PCGF6: variants seen among roughly 807,000 people sequenced by gnomAD.
PCGF6 encodes the protein polycomb group RING finger protein 6.
A neutral mutation model predicts 45.5 loss-of-function variants in PCGF6; 24 were observed. The observed-to-expected ratio is 0.53, with a 90% CI of 0.38 to 0.74. PCGF6 has a LOEUF of 0.74. Ranked by LOEUF, PCGF6 falls within the 30% of genes least tolerant of loss-of-function variation. The probability of loss-of-function intolerance (pLI) is 0.00; values close to 1 mark genes in which losing one functional copy is unlikely to be tolerated. For missense variants in PCGF6, 356 were observed against 443.2 expected (o/e 0.80, Z 1.77); for synonymous variants, 152 against 162.1 (o/e 0.94, Z 0.47).
At position 103,345,141 on chromosome 10, in the gene PCGF6, T is replaced by C. The variant is rs761500951; in HGVS notation, c.674-9A>G. On this transcript the variant is annotated splice_polypyrimidine_tract_variant and intron_variant, in intron 5 of 9. Transcript: ENST00000369847. ...GACTGGCTGTGGAACAGCTATTTAA[T>C]AGTCAAACAAAAATGTTAATTAAGA... The C allele has an allele frequency of 1.4e-5, 22 of 1,551,926 alleles. No individual in the cohort carries two copies. In the Admixed American group the frequency reaches 1.9e-4, roughly 14 times the overall value.
At chr10:103,335,826 G>A (rs1197868373) in intron 6 of PCGF6, among the ~76,000 whole-genome samples, 5 of 152,060 alleles carry the variant, frequency 3.3e-5, no homozygotes, top group African/African-American at 1.2e-4. Flanking sequence ...AATTAGCTGG[G>A]TGTGGTGGCG....
chr10:103,311,118 A>C (rs2093155826), intron 9 of PCGF6, among the ~76,000 whole-genome samples: 1 of 152,048 alleles, frequency 6.6e-6, no homozygotes, highest in Non-Finnish European at 1.5e-5. Flanking sequence ...TTATAGGAGC[A>C]AGCGACTATG....
chr10:103,333,117 TAAAAAAAAAA>T (rs55722610), intron 7 of PCGF6, among the ~76,000 whole-genome samples: 3 of 131,012 alleles, frequency 2.3e-5, no homozygotes, highest in Non-Finnish European at 4.9e-5. Context: ...AGACTCCATT[TAAAAAAAAAA>T]AAAAAAAAAA....
chr10:103,337,597 C>A (rs962864426), intron 6 of PCGF6, among the ~76,000 whole-genome samples: 5 of 152,130 alleles, frequency 3.3e-5, no homozygotes, highest in African/African-American at 9.7e-5. Context: ...CTACTTTACA[C>A]ATAGAAACTA....
At chr10:103,323,810 C>T (rs1364557987) in intron 8 of PCGF6, among the ~76,000 whole-genome samples, 1 of 152,112 alleles carries the variant, frequency 6.6e-6, no homozygotes, top group East Asian at 1.9e-4. Context: ...GTCTTGAACT[C>T]CTGACCTCAG....
In PCGF6 at chr10:103,348,897, T is replaced by C. The variant is rs981643081; in HGVS notation, c.460+3A>G. ...TATTCAGAAATGTGATCGGTATGCT[T>C]ACAGGTATGAAGACATTCTGTGATG... is the stretch of plus-strand genomic sequence containing the variant. On this transcript the variant is annotated splice_donor_region_variant and intron_variant, in intron 2 of 9. Transcript: ENST00000369847. The C allele has an allele frequency of 6.2e-7, 1 of 1,609,784 alleles. No homozygotes were observed. The highest frequency in any genetic ancestry group is 8.5e-7 in the Non-Finnish European group (1 of 1,176,466).
At chr10:103,340,156 G>A (rs1420068864) in intron 6 of PCGF6, among the ~76,000 whole-genome samples, 1 of 128,434 alleles carries the variant, frequency 7.8e-6, no homozygotes, top group Non-Finnish European at 1.6e-5. Context: ...CAACCTGGGT[G>A]ACAAAGTAAG....
chr10:103,328,626 T>G (rs2093227985), intron 7 of PCGF6, among the ~76,000 whole-genome samples: 1 of 152,206 alleles, frequency 6.6e-6, no homozygotes, highest in Admixed American at 6.5e-5. Flanking sequence ...AATAAGTTAA[T>G]GTATGTAAAT....
chr10:103,309,112 G>A (rs1466946360), intron 9 of PCGF6, among the ~76,000 whole-genome samples: 1 of 151,180 alleles, frequency 6.6e-6, no homozygotes, highest in Non-Finnish European at 1.5e-5. Flanking sequence ...GGAATTTTGA[G>A]TTAATGCTGA....
chr10:103,330,969 C>G (rs2093238154), intron 7 of PCGF6, among the ~76,000 whole-genome samples: 1 of 152,078 alleles, frequency 6.6e-6, no homozygotes, highest in South Asian at 2.1e-4. Context: ...GGTAGTCACT[C>G]CCCATTCAGC....
At position 103,345,155 on chromosome 10, in the gene PCGF6, T is replaced by C. The variant is rs75202703; in HGVS notation, c.674-23A>G. On this transcript the variant is annotated intron_variant, in intron 5 of 9. Coordinates refer to ENST00000369847, the MANE Select transcript of PCGF6 (RefSeq NM_001011663.2). ...CAGCTATTTAATAGTCAAACAAAAA[T>C]GTTAATTAAGAATAAAAATGCCATA... 35 of 1,492,104 alleles carry C rather than the reference T, an allele frequency of 2.3e-5. No individual in the cohort carries two copies. The East Asian group carries it at 7.5e-4, about 32-fold the overall frequency. 92.4% of individuals were successfully genotyped at this position (1,492,104 alleles called of 1,614,324 possible).
Position 103,314,205 on chromosome 10 carries a change from A to G in PCGF6, c.977T>C (p.Ile326Thr). The change falls in exon 9 of 10, where the codon ATA (isoleucine) becomes ACA (threonine). Residue 326 changes from isoleucine to threonine, a missense_variant. Physicochemically the swap from Ile to Thr is moderately conservative, Grantham distance 89. This residue lies in a region of PCGF6 where 49 missense variants were observed against 93.0 expected (regional missense o/e 0.53). Transcript: ENST00000369847. The stretch of plus-strand genomic sequence containing the variant: ...ACCTACCTGCATTGCTGCATCACCT[A>G]TTGCACGTCGGATTTCCCTTAGAGT... ...YQTLREIRRA[I>T]GDAAMQDGLL... 1 of 1,604,162 alleles carries G rather than the reference A, an allele frequency of 6.2e-7. No individual in the cohort carries two copies.
chr10:103,349,690 A>C (rs2133604301), intron 1 of PCGF6, among the ~76,000 whole-genome samples: 1 of 150,462 alleles, frequency 6.6e-6, no homozygotes, highest in South Asian at 2.1e-4. Context: ...CGCTTTGGTC[A>C]GGCTGAACTC....
chr10:103,333,955 GA>G lies in PCGF6; in HGVS notation c.783-4del. The G allele has an allele frequency of 3.9e-6, 6 of 1,531,672 alleles. No homozygotes were observed. Among genetic ancestry groups the G allele is most frequent in the African/African-American group, 1.4e-5 (1 of 70,724 alleles). 94.9% of individuals were successfully genotyped at this position (1,531,672 alleles called of 1,614,324 possible). On this transcript the variant is annotated splice_polypyrimidine_tract_variant and splice_region_variant and intron_variant, in intron 6 of 9. Coordinates refer to ENST00000369847, the MANE Select transcript of PCGF6 (RefSeq NM_001011663.2). ...AATGTCCCGTGCCTTCATTAGCACT[GA>G]AAAATGAGAGCAAAATTAATCAATA...
intron 6 of PCGF6, among the ~76,000 whole-genome samples, chr10:103,337,515 T>C (rs1324988645): frequency 6.6e-6 from 1 of 152,228 alleles, no homozygotes; most frequent in Non-Finnish European, 1.5e-5. Flanking sequence ...TTACCTACTC[T>C]GAGTTAGTCT....
chr10:103,324,566 G>A (rs1431609683), intron 8 of PCGF6, among the ~76,000 whole-genome samples: 2 of 150,708 alleles, frequency 1.3e-5, no homozygotes, highest in Non-Finnish European at 3.0e-5. Flanking sequence ...AGGCCAGCCT[G>A]ACCAACAACA....
At chr10:103,325,977 C>T (rs2093216798) in intron 8 of PCGF6, among the ~76,000 whole-genome samples, 1 of 152,090 alleles carries the variant, frequency 6.6e-6, no homozygotes, top group African/African-American at 2.4e-5. Flanking sequence ...TTGTAGTGAG[C>T]CATGATCGTG....
intron 6 of PCGF6, among the ~76,000 whole-genome samples, chr10:103,340,007 C>CAAAAA (rs60211186): frequency 1.3e-4 from 8 of 60,166 alleles, no homozygotes; most frequent in South Asian, 6.1e-4. Flanking sequence ...ACTAAAAATA[C>CAAAAA]AAAAAAAAAA....
intron 7 of PCGF6, among the ~76,000 whole-genome samples, chr10:103,327,606 C>A (rs2093223633): frequency 6.6e-6 from 1 of 151,948 alleles, no homozygotes; most frequent in African/African-American, 2.4e-5. Flanking sequence ...CATGGGAGTT[C>A]ATTATACTAT....
Sources: allele counts gnomAD v4.1 joint callset (sites outside exome capture counted in the v4.1 genomes callset), GRCh38; gene constraint gnomAD v4.1.1; regional missense constraint gnomAD v4.1.1; transcripts MANE v1.5; gene names NCBI Gene and HGNC (gene_info 2026-07-23, HGNC 2026-07-21).